The following ZBTB20 variants were observed in gnomAD, a reference collection of about 807,000 sequenced individuals.
ZBTB20 encodes zinc finger and BTB domain containing 20.
Under a neutral mutation model 56.9 loss-of-function variants are expected in ZBTB20, and 9 were observed. The ratio of observed to expected loss-of-function variants is 0.16; its 90% CI spans 0.10 to 0.28. The LOEUF (loss-of-function observed/expected upper bound fraction) is 0.28. Ranked by LOEUF, ZBTB20 falls within the 10% of genes least tolerant of loss-of-function variation. The pLI is 1.00. For missense variants in ZBTB20, 655 were observed against 1,003.0 expected (o/e 0.65, Z 4.69); for synonymous variants, 417 against 420.7 (o/e 0.99, Z 0.11).
rs376484043 is a variant in ZBTB20 at position 114,316,563 on chromosome 3, G to A, written c.*22442C>T. On this transcript the variant is annotated 3_prime_UTR_variant, in exon 12 of 12. Coordinates refer to ENST00000675478, the MANE Select transcript of ZBTB20 (RefSeq NM_001348800.3). The stretch of plus-strand genomic sequence containing the variant: ...TGTATACATTTATACATAATATAGT[G>A]TATATCGTTTCAACTGGAGATAAAC... 1.9e-6 allele frequency: 1 copy of A among 533,704 alleles called. No homozygotes were observed. The highest frequency in any genetic ancestry group is 1.4e-5 in the South Asian group (1 of 71,312). The allele number at this position is 533,704 out of a possible 1,614,324, so 33.1% of individuals were successfully genotyped here. A position where few individuals can be genotyped will look rare whatever the true frequency, so the allele number is the denominator to read the frequency against.
At chr3:114,921,413 G>A (rs149208501) in intron 3 of ZBTB20, among the ~76,000 whole-genome samples, 1,658 of 152,078 alleles carry the variant, frequency 0.011, 27 homozygotes, top group African/African-American at 0.036. Context: ...GTGAGCCACC[G>A]TGCCTGGCAA....
At chr3:115,100,141 A>ATT (rs11426047) in intron 1 of ZBTB20, 7 of 145,332 alleles carry the variant, frequency 4.8e-5, no homozygotes, top group East Asian at 2.0e-4. Flanking sequence ...AGGAAGCAGG[A>ATT]TTTTTTTTTT....
chr3:115,075,893 TA>T (rs2082577544), intron 1 of ZBTB20, among the ~76,000 whole-genome samples: 1 of 151,978 alleles, frequency 6.6e-6, no homozygotes, highest in Admixed American at 6.6e-5. Context: ...AAGACTCCAT[TA>T]AAAAACTGTT....
chr3:114,775,343 C>A (rs2069513710), intron 5 of ZBTB20, among the ~76,000 whole-genome samples: 1 of 152,084 alleles, frequency 6.6e-6, no homozygotes, highest in Non-Finnish European at 1.5e-5. Flanking sequence ...TTATACTTAA[C>A]TTTACTCTGG....
chr3:114,526,651 A>G (rs1347477142), intron 6 of ZBTB20, among the ~76,000 whole-genome samples: 1 of 152,228 alleles, frequency 6.6e-6, no homozygotes, highest in African/African-American at 2.4e-5. Context: ...GTTTTGCTAC[A>G]GTAATATATA....
chr3:115,036,604 G>A (rs1473531009), intron 2 of ZBTB20, among the ~76,000 whole-genome samples: 4 of 152,066 alleles, frequency 2.6e-5, no homozygotes, highest in East Asian at 1.9e-4. Flanking sequence ...TAGTAGAGAC[G>A]GCGTTTCACC....
intron 5 of ZBTB20, among the ~76,000 whole-genome samples, chr3:114,700,055 A>T (rs909313897): frequency 1.2e-4 from 19 of 152,170 alleles, no homozygotes; most frequent in Middle Eastern, 3.4e-3. Flanking sequence ...AAGCTATCTT[A>T]TACTTTTTTT....
intron 5 of ZBTB20, among the ~76,000 whole-genome samples, chr3:114,800,422 A>G (rs2071626789): frequency 6.6e-6 from 1 of 151,896 alleles, no homozygotes; most frequent in African/African-American, 2.4e-5. Context: ...CAGCTAAATA[A>G]GGGTAGACCA....
intron 5 of ZBTB20, among the ~76,000 whole-genome samples, chr3:114,778,244 T>TTAATAATAATAA (rs370933299): frequency 2.2e-5 from 3 of 137,886 alleles, no homozygotes; most frequent in Admixed American, 7.3e-5. Flanking sequence ...TTAAAGTATG[T>TTAATAATAATAA]TAATAATAAT....
At chr3:115,073,962 AT>A (rs1448934403) in intron 1 of ZBTB20, among the ~76,000 whole-genome samples, 2 of 152,088 alleles carry the variant, frequency 1.3e-5, no homozygotes, top group African/African-American at 2.4e-5. Context: ...TTCTAAAACA[AT>A]TGGTCCATAA....
intron 6 of ZBTB20, among the ~76,000 whole-genome samples, chr3:114,608,577 G>A (rs1035257954): frequency 2.0e-5 from 3 of 152,120 alleles, no homozygotes; most frequent in East Asian, 3.8e-4. Context: ...TCTTAAGCAG[G>A]TGCAGACTCT....
intron 11 of ZBTB20, among the ~76,000 whole-genome samples, chr3:114,340,898 G>T (rs760111676): frequency 2.6e-5 from 4 of 152,102 alleles, no homozygotes; most frequent in Non-Finnish European, 5.9e-5. Context: ...TTCCCATTAT[G>T]AAATAGGAGA....
At chr3:114,526,889 G>A (rs1038749762) in intron 6 of ZBTB20, among the ~76,000 whole-genome samples, 1 of 152,204 alleles carries the variant, frequency 6.6e-6, no homozygotes, top group Non-Finnish European at 1.5e-5. Context: ...AGAACTACTT[G>A]ACAGAATATA....
chr3:114,484,378 A>T (rs2041876218), intron 7 of ZBTB20, among the ~76,000 whole-genome samples: 1 of 152,190 alleles, frequency 6.6e-6, no homozygotes, highest in Admixed American at 6.5e-5. Context: ...GCTTCAAGAC[A>T]AAAGGAGAGC....
At position 115,106,382 on chromosome 3, in the gene ZBTB20, C is replaced by T. The variant is rs544978122; in HGVS notation, c.-702-34968G>A. On this transcript the variant is annotated intron_variant, in intron 1 of 11. Transcript: ENST00000675478. The stretch of plus-strand genomic sequence containing the variant: ...CCGAGTAGCTGGGACTACAGGTGCC[C>T]GCCACCACGCCCAGCTAATTTTTTG... 2.9e-4 allele frequency among the ~76,000 whole-genome samples: 44 copies of T among 151,294 alleles called. 1 individual carries two copies. The highest frequency in any genetic ancestry group is 1.1e-3 in the Admixed American group (16 of 15,180).
intron 4 of ZBTB20, among the ~76,000 whole-genome samples, chr3:114,840,089 T>G (rs7632496): frequency 0.21 from 31,330 of 152,084 alleles, 3,411 homozygotes; most frequent in Middle Eastern, 0.26. Flanking sequence ...ACATTTTGAG[T>G]GAGACAGATT....
intron 7 of ZBTB20, among the ~76,000 whole-genome samples, chr3:114,398,228 C>T (rs2086502587): frequency 7.0e-6 from 1 of 142,906 alleles, no homozygotes; most frequent in South Asian, 2.1e-4. Context: ...TTATGGTTTA[C>T]TGCCTGTTTG....
chr3:115,125,680 T>C (rs1362259395), intron 1 of ZBTB20, among the ~76,000 whole-genome samples: 1 of 152,200 alleles, frequency 6.6e-6, no homozygotes, highest in East Asian at 1.9e-4. Context: ...AACAATGTAT[T>C]GTTTGCTTGA....
At chr3:114,422,767 C>T (rs1161866629) in intron 7 of ZBTB20, among the ~76,000 whole-genome samples, 1 of 152,134 alleles carries the variant, frequency 6.6e-6, no homozygotes, top group Non-Finnish European at 1.5e-5. Flanking sequence ...TACAGAGCCT[C>T]AATTTTTCCA....
Sources: gnomAD v4.1 joint callset for allele counts (sites outside exome capture counted in the v4.1 genomes callset) on GRCh38, gnomAD v4.1.1 for gene constraint, MANE v1.5 for transcripts, NCBI Gene and HGNC (gene_info 2026-07-23, HGNC 2026-07-21) for gene names.